The following UPF2 variants were observed in gnomAD, a reference collection of about 807,000 sequenced individuals.
UPF2 encodes the protein regulator of nonsense transcripts 2.
UPF2 carries 17 observed loss-of-function variants against 141.4 expected under a neutral mutation model. The ratio of observed to expected loss-of-function variants is 0.12; its 90% CI spans 0.08 to 0.18. The LOEUF is 0.18. Ranked by LOEUF, UPF2 falls within the 10% of genes least tolerant of loss-of-function variation. The pLI, the probability that UPF2 is intolerant of heterozygous loss-of-function variation, is 1.00. For missense variants in UPF2, 1,152 were observed against 1,515.9 expected (o/e 0.76, Z 3.99); for synonymous variants, 540 against 498.0 (o/e 1.08, Z -1.12).
chr10:12,039,607 T>C (rs1178842016), intron 1 of UPF2, among the ~76,000 whole-genome samples: 1 of 150,514 alleles, frequency 6.6e-6, no homozygotes, highest in Non-Finnish European at 1.5e-5. Context: ...CTTACAATTA[T>C]GTCTCTCTCT....
At chr10:11,954,883 C>T (rs1203522463) in intron 14 of UPF2, among the ~76,000 whole-genome samples, 7 of 147,624 alleles carry the variant, frequency 4.7e-5, no homozygotes, top group Admixed American at 4.7e-4. Flanking sequence ...GAGAAGAGAA[C>T]ATTAACAAAT....
rs771830483 is a variant in UPF2 at position 12,014,013 on chromosome 10, A to C, written c.1306+11T>G. On this transcript the variant is annotated intron_variant, in intron 4 of 21. Transcript: ENST00000357604. This position sits in a 1 kb window ranked among gnomAD's most constrained non-coding sequence, Gnocchi z 5.0. Reference sequence around the variant, plus strand: ...GAAAACACAATGTTTGTTTTTAAGGATATCTCTTACCTTCTGGTGTTGGTT... The same window carrying C: ...GAAAACACAATGTTTGTTTTTAAGGCTATCTCTTACCTTCTGGTGTTGGTT... The C allele has an allele frequency of 6.6e-7, 1 of 1,519,000 alleles. No individual in the cohort carries two copies. The highest frequency in any genetic ancestry group is 2.0e-5 in the Admixed American group (1 of 48,946). 94.1% of individuals were successfully genotyped at this position (1,519,000 alleles called of 1,614,324 possible).
chr10:11,967,459 A>G lies in UPF2; in HGVS notation c.1954-5T>C. The G allele has an allele frequency of 6.6e-7, 1 of 1,512,752 alleles. No individual in the cohort carries two copies. The allele number at this position is 1,512,752 out of a possible 1,614,324, so 93.7% of individuals were successfully genotyped here. ...GATCTGGTCCTTTTTCCGTACCTAA[A>G]AATTAAGAGAGAAAAGATAATGCTT... On this transcript the variant is annotated splice_region_variant and splice_polypyrimidine_tract_variant and intron_variant, in intron 9 of 21. Transcript: ENST00000357604.
At chr10:12,031,223 T>C (rs940384630) in intron 2 of UPF2, among the ~76,000 whole-genome samples, 1 of 151,868 alleles carries the variant, frequency 6.6e-6, no homozygotes, top group African/African-American at 2.4e-5. Context: ...ATATTGTTTT[T>C]CCATCCTCAG....
rs1399776712 is a variant in UPF2, at chr10:11,946,168, A to G, written c.3174+2201T>C. ...TTAGGAAAACCATACATTATTGCCT[A>G]TACTGTCTTTTCACAACCAATCCTT... On this transcript the variant is annotated intron_variant, in intron 16 of 21. Coordinates refer to ENST00000357604, the MANE Select transcript of UPF2 (RefSeq NM_015542.4). Among the ~76,000 whole-genome samples the G allele has an allele frequency of 2.6e-5, 4 of 152,206 alleles. No homozygotes were observed. In the East Asian group the frequency reaches 7.7e-4, roughly 29 times the overall value.
In UPF2 at chr10:11,972,013, A is replaced by G. The variant is rs756200656; in HGVS notation, c.1954-4559T>C. On this transcript the variant is annotated intron_variant, in intron 9 of 21. Coordinates refer to ENST00000357604, the MANE Select transcript of UPF2 (RefSeq NM_015542.4). ...CAGAAGGCTAAGGTTACAGTGAGCC[A>G]AGATCGCACCACTGTACTCTGGCCC... 5.4e-4 allele frequency among the ~76,000 whole-genome samples: 82 copies of G among 151,000 alleles called. 1 individual carries two copies. Among genetic ancestry groups the G allele is most frequent in the Non-Finnish European group, 1.8e-4 (12 of 67,798 alleles).
intron 9 of UPF2, among the ~76,000 whole-genome samples, chr10:11,971,760 A>G (rs1833421335): frequency 1.3e-5 from 2 of 152,312 alleles, no homozygotes; most frequent in South Asian, 2.1e-4. Context: ...CAAAGTTTGT[A>G]TATACTAATT....
chr10:11,978,000 C>T (rs1352740803), intron 9 of UPF2, among the ~76,000 whole-genome samples: 2 of 152,140 alleles, frequency 1.3e-5, no homozygotes, highest in Non-Finnish European at 2.9e-5. Flanking sequence ...GCTTACAGAC[C>T]ATTCTCCTCT....
At chr10:11,981,754 C>T (rs1833599016) in intron 8 of UPF2, among the ~76,000 whole-genome samples, 1 of 152,074 alleles carries the variant, frequency 6.6e-6, no homozygotes, top group Non-Finnish European at 1.5e-5. Flanking sequence ...GGTACAATCT[C>T]GGCTCACTGC....
chr10:11,972,915 G>A (rs888066988), intron 9 of UPF2, among the ~76,000 whole-genome samples: 6 of 152,094 alleles, frequency 3.9e-5, no homozygotes, highest in East Asian at 1.9e-4. Flanking sequence ...GGGATGGTGC[G>A]GTCAAATGGT....
At chr10:11,999,639 T>TA (rs1833922614) in intron 7 of UPF2, among the ~76,000 whole-genome samples, 1 of 152,168 alleles carries the variant, frequency 6.6e-6, no homozygotes, top group Non-Finnish European at 1.5e-5. Context: ...ACCATACTTT[T>TA]AGCACCTTTG....
chr10:11,977,630 C>A (rs1335775262), intron 9 of UPF2, among the ~76,000 whole-genome samples: 1 of 152,170 alleles, frequency 6.6e-6, no homozygotes, highest in African/African-American at 2.4e-5. Flanking sequence ...ATAACTCATA[C>A]TGTCCACTAG....
chr10:11,950,679 C>G (rs1588533338), intron 15 of UPF2, among the ~76,000 whole-genome samples: 1 of 152,134 alleles, frequency 6.6e-6, no homozygotes, highest in Non-Finnish European at 1.5e-5. Flanking sequence ...GGAAACAAGG[C>G]TAAGACTTAA....
At chr10:11,982,706 G>A (rs998196553) in intron 8 of UPF2, among the ~76,000 whole-genome samples, 24 of 151,728 alleles carry the variant, frequency 1.6e-4, no homozygotes, top group Non-Finnish European at 3.1e-4. Flanking sequence ...GGATCACCAC[G>A]ACCTCCGCCT....
chr10:11,942,237 G>A (rs924222291), intron 18 of UPF2, among the ~76,000 whole-genome samples: 1 of 152,134 alleles, frequency 6.6e-6, no homozygotes, highest in African/African-American at 2.4e-5. Flanking sequence ...GCCCGGGGTG[G>A]TGGCACATGC....
Position 11,939,152 on chromosome 10 carries a change from T to G in UPF2, c.3379-2440A>C, listed in dbSNP as rs1263757853. Among the ~76,000 whole-genome samples, 1 of 151,906 alleles carries G rather than the reference T, an allele frequency of 6.6e-6. No homozygotes were observed. Among genetic ancestry groups the G allele is most frequent in the East Asian group, 1.9e-4 (1 of 5,158 alleles). On this transcript the variant is annotated intron_variant, in intron 18 of 21. Transcript: ENST00000357604. This position sits in a 1 kb window ranked among gnomAD's most constrained non-coding sequence, Gnocchi z 4.8. Reference sequence around the variant, plus strand: ...CCCAAAGTGATGGGATTACAGGCATTGAGCCACTGTGCCTGGCCAGCAAGT... The same window carrying G: ...CCCAAAGTGATGGGATTACAGGCATGGAGCCACTGTGCCTGGCCAGCAAGT...
intron 6 of UPF2, among the ~76,000 whole-genome samples, chr10:12,000,773 T>C (rs1833938823): frequency 6.6e-6 from 1 of 152,056 alleles, no homozygotes; most frequent in African/African-American, 2.4e-5. Context: ...GCCATGGCAC[T>C]CCAGCCTGGG....
chr10:11,952,753 T>C (rs1019209096), intron 14 of UPF2, among the ~76,000 whole-genome samples: 2 of 152,066 alleles, frequency 1.3e-5, no homozygotes, highest in African/African-American at 2.4e-5. Context: ...GGATTACAGG[T>C]GTGAGCCACT....
intron 3 of UPF2, among the ~76,000 whole-genome samples, chr10:12,018,865 C>T (rs1445161750): frequency 3.3e-5 from 5 of 152,112 alleles, no homozygotes; most frequent in Admixed American, 6.5e-5. Context: ...TAACTTTATG[C>T]AACTCACAGG....
Sources: allele counts gnomAD v4.1 joint callset (sites outside exome capture counted in the v4.1 genomes callset), GRCh38; gene constraint gnomAD v4.1.1; non-coding constraint Gnocchi (gnomAD v3.1); transcripts MANE v1.5; gene names NCBI Gene and HGNC (gene_info 2026-07-23, HGNC 2026-07-21).